SLC29A3: variants seen among roughly 807,000 people sequenced by gnomAD.
The protein encoded by SLC29A3 is solute carrier family 29 member 3.
Under a neutral mutation model 25.4 loss-of-function variants are expected in SLC29A3, and 18 were observed. The ratio of observed to expected loss-of-function variants is 0.71; its 90% CI spans 0.49 to 1.05. SLC29A3 has a LOEUF of 1.05. Among genes scored for constraint, SLC29A3 ranks in the 50% least tolerant of loss-of-function variants. SLC29A3 has a pLI of 0.00. For missense variants in SLC29A3, 586 were observed against 609.0 expected (o/e 0.96, Z 0.40); for synonymous variants, 258 against 267.1 (o/e 0.97, Z 0.33).
At chr10:71,368,761 G>A (rs902951848) in intron 3 of SLC29A3, among the ~76,000 whole-genome samples, 3 of 152,204 alleles carry the variant, frequency 2.0e-5, no homozygotes, top group Non-Finnish European at 4.4e-5. Context: ...GGGCTCTGGA[G>A]CCATTCTGCC....
intron 3 of SLC29A3, among the ~76,000 whole-genome samples, chr10:71,370,234 C>T (rs1423134281): frequency 4.6e-5 from 7 of 152,234 alleles, no homozygotes; most frequent in Admixed American, 2.6e-4. Flanking sequence ...TCCTCTCCAA[C>T]GTGCCAAGGA....
chr10:71,349,729 C>T (rs59176660), intron 3 of SLC29A3, among the ~76,000 whole-genome samples: 2,643 of 152,304 alleles, frequency 0.017, 83 homozygotes, highest in African/African-American at 0.06. Flanking sequence ...CTCTGTGCTC[C>T]TCTGCTCGCA....
chr10:71,351,549 A>G lies in SLC29A3; in HGVS notation c.384-13A>G, dbSNP rs746061157. 1.2e-5 allele frequency: 19 copies of G among 1,613,196 alleles called. No individual in the cohort carries two copies. Among genetic ancestry groups the G allele is most frequent in the Non-Finnish European group, 1.6e-5 (19 of 1,179,286 alleles). Reference sequence around the variant, plus strand: ...GAAGGGGTGTCTAACTGCTTCTGGCATCCTCGCCCCAGGGTTGCAGTCCAC... The same window carrying G: ...GAAGGGGTGTCTAACTGCTTCTGGCGTCCTCGCCCCAGGGTTGCAGTCCAC... On this transcript the variant is annotated splice_polypyrimidine_tract_variant and intron_variant, in intron 3 of 5. Coordinates refer to ENST00000373189, the MANE Select transcript of SLC29A3 (RefSeq NM_018344.6).
downstream of SLC29A3, chr10:71,365,470 TG>T (rs1564545269): frequency 6.6e-6 from 1 of 151,502 alleles, no homozygotes; most frequent in Non-Finnish European, 1.5e-5. Context: ...CAGGGGGAGT[TG>T]GGGGGCCAGC....
intron 3 of SLC29A3, among the ~76,000 whole-genome samples, chr10:71,346,448 C>T (rs1846584264): frequency 6.6e-6 from 1 of 152,182 alleles, no homozygotes; most frequent in Non-Finnish European, 1.5e-5. Context: ...CCTGTAATCT[C>T]AGCACTTTGG....
At chr10:71,340,335 A>G (rs890917979) in intron 2 of SLC29A3, among the ~76,000 whole-genome samples, 1 of 152,148 alleles carries the variant, frequency 6.6e-6, no homozygotes, top group Non-Finnish European at 1.5e-5. Context: ...CGCCATTCCT[A>G]TCACAAGCCT....
chr10:71,321,737 C>T (rs1178501153), intron 1 of SLC29A3, among the ~76,000 whole-genome samples: 1 of 152,190 alleles, frequency 6.6e-6, no homozygotes, highest in Non-Finnish European at 1.5e-5. Context: ...GGTAACTTGC[C>T]CAAGGCCATG....
In SLC29A3 at chr10:71,362,175, C is replaced by T. The variant is rs769097153; in HGVS notation, c.995C>T (p.Ser332Phe). The change falls in exon 6 of 6, where the codon TCC becomes TTC. Residue 332 changes from serine to phenylalanine, a missense_variant. Ser to Phe is a radical substitution (Grantham distance 155). Transcript: ENST00000373189. ...CCCGCCATCTGCACCAACATCGAGT[C>T]CCTCAACAAGGGTTCGGGCTCACTG... ...IYPAICTNIE[S>F]LNKGSGSLWT... 6 of 1,614,154 alleles carry T rather than the reference C, an allele frequency of 3.7e-6. No individual in the cohort carries two copies. The highest frequency in any genetic ancestry group is 2.2e-5 in the East Asian group (1 of 44,882).
In SLC29A3 at chr10:71,354,018, T is replaced by A. The variant is rs540913514; in HGVS notation, c.611-2063T>A. Among the ~76,000 whole-genome samples, 6 of 152,274 alleles carry A rather than the reference T, an allele frequency of 3.9e-5. No individual in the cohort carries two copies. In the East Asian group the frequency reaches 7.7e-4, roughly 20 times the overall value. On this transcript the variant is annotated intron_variant, in intron 4 of 5. Coordinates refer to ENST00000373189, the MANE Select transcript of SLC29A3 (RefSeq NM_018344.6). ...TCTTACTGAGTTTAACCCCAGTTCT[T>A]GCAAAATGTCTAGGCGGGGATTACA... is the stretch of plus-strand genomic sequence containing the variant.
Position 71,362,818 on chromosome 10 carries a change from C to T in SLC29A3, c.*210C>T, listed in dbSNP as rs1847104884. ...ATATTCCAGTCATATTAACAGAACA[C>T]TCCTGAGACAGTTGAAGAAGAAATA... On this transcript the variant is annotated 3_prime_UTR_variant, in exon 6 of 6. Transcript: ENST00000373189. 1.4e-6 allele frequency: 1 copy of T among 709,034 alleles called. No homozygotes were observed. Among genetic ancestry groups the T allele is most frequent in the Admixed American group, 2.0e-5 (1 of 49,844 alleles). 43.9% of individuals were successfully genotyped at this position (709,034 alleles called of 1,614,324 possible).
intron 2 of SLC29A3, among the ~76,000 whole-genome samples, chr10:71,334,320 A>AC (rs1277135530): frequency 3.3e-5 from 5 of 152,238 alleles, no homozygotes; most frequent in Non-Finnish European, 7.3e-5. Flanking sequence ...CCGAAGGCCG[A>AC]CCGCGTTCCA....
At chr10:71,333,454 G>A (rs542519901) in intron 2 of SLC29A3, among the ~76,000 whole-genome samples, 2 of 152,382 alleles carry the variant, frequency 1.3e-5, no homozygotes, top group South Asian at 2.1e-4. Context: ...TTCCCAAGGC[G>A]GGAGCAGTCT....
chr10:71,372,235 G>T (rs181866451), intron 3 of SLC29A3, among the ~76,000 whole-genome samples: 2 of 152,204 alleles, frequency 1.3e-5, no homozygotes, highest in African/African-American at 2.4e-5. Flanking sequence ...TGAGCACTAT[G>T]AACCGGGCAA....
At chr10:71,334,013 A>T (rs558243758) in intron 2 of SLC29A3, among the ~76,000 whole-genome samples, 121 of 152,344 alleles carry the variant, frequency 7.9e-4, no homozygotes, top group African/African-American at 2.8e-3. Flanking sequence ...GTATAAAGGT[A>T]GGTAGAAATG....
chr10:71,362,617 A>G lies in SLC29A3; in HGVS notation c.*9A>G, dbSNP rs978248287. 1 of 1,614,026 alleles carries G rather than the reference A, an allele frequency of 6.2e-7. No homozygotes were observed. The highest frequency in any genetic ancestry group is 8.5e-7 in the Non-Finnish European group (1 of 1,180,058). ...TGGTGCACCTCATCTAGAAGGGAGG[A>G]CACAAGGACATTGGTGCTTCAGAGC... On this transcript the variant is annotated 3_prime_UTR_variant, in exon 6 of 6. Transcript: ENST00000373189.
At chr10:71,378,299 ATGTCAAACTACCT>A (rs1279988071) in intron 4 of SLC29A3, among the ~76,000 whole-genome samples, 1 of 152,166 alleles carries the variant, frequency 6.6e-6, no homozygotes, top group Non-Finnish European at 1.5e-5. Flanking sequence ...CTTCAGTCAG[ATGTCAAACTACCT>A]TGCAAGCTTC....
chr10:71,331,810 G>A (rs910721482), intron 2 of SLC29A3, among the ~76,000 whole-genome samples: 3 of 152,218 alleles, frequency 2.0e-5, no homozygotes, highest in Admixed American at 6.5e-5. Context: ...TAAGTAACTC[G>A]TTGGTGCCAC....
At position 71,355,942 on chromosome 10, in the gene SLC29A3, C is replaced by T. The variant is rs953590113; in HGVS notation, c.611-139C>T. The T allele has an allele frequency of 1.1e-4, 104 of 934,058 alleles. No homozygotes were observed. In the South Asian group the frequency reaches 1.4e-3, roughly 13 times the overall value. 57.9% of individuals were successfully genotyped at this position (934,058 alleles called of 1,614,324 possible). The stretch of plus-strand genomic sequence containing the variant: ...TGGGCCCTCCCTGTCTCTGAGGCTT[C>T]AGGACACTGAGAGAGCTTTGGCATT... On this transcript the variant is annotated intron_variant, in intron 4 of 5. Transcript: ENST00000373189.
intron 4 of SLC29A3, 73 bp from the exon 5 acceptor site, chr10:71,356,008 A>C (rs1408185352): frequency 2.8e-5 from 44 of 1,564,002 alleles, no homozygotes; most frequent in Non-Finnish European, 3.3e-5. Context: ...GTGAAACCCA[A>C]GCAGGGAGGG....
Sources: gnomAD v4.1 joint callset for allele counts (sites outside exome capture counted in the v4.1 genomes callset) on GRCh38, gnomAD v4.1.1 for gene constraint, MANE v1.5 for transcripts, NCBI Gene and HGNC (gene_info 2026-07-23, HGNC 2026-07-21) for gene names.